Variants in KHDRBS2 observed in about 807,000 individuals in gnomAD.
The protein encoded by KHDRBS2 is KH domain-containing, RNA-binding, signal transduction-associated protein 2.
In KHDRBS2, 26 loss-of-function variants were observed where a neutral mutation model predicts 44.3. The ratio of observed to expected loss-of-function variants is 0.59; its 90% CI spans 0.43 to 0.81. The LOEUF is 0.81. KHDRBS2 is among the 40% of genes least tolerant of loss of function. The pLI, the probability that KHDRBS2 is intolerant of heterozygous loss-of-function variation, is 0.00. For missense variants in KHDRBS2, 476 were observed against 433.1 expected, an observed-to-expected ratio of 1.10 and a Z score of -0.88; for synonymous variants, 194 against 151.1, an observed-to-expected ratio of 1.28 and a Z score of -2.08.
At chr6:61,732,539 T>A in intron 7 of KHDRBS2, 143 bp downstream of exon 7, 5 of 625,990 alleles carry the variant, frequency 8.0e-6, no homozygotes, top group Non-Finnish European at 1.4e-5. Flanking sequence ...CACAGTCTGG[T>A]AAGCAACTTG....
intron 6 of KHDRBS2, among the ~76,000 whole-genome samples, chr6:61,737,672 A>C (rs536500748): frequency 2.2e-4 from 34 of 152,174 alleles, no homozygotes; most frequent in African/African-American, 7.7e-4. Flanking sequence ...GTGTTCTAGC[A>C]GCTAGGGTAG....
chr6:62,108,513 T>C (rs1804106019), intron 2 of KHDRBS2, among the ~76,000 whole-genome samples: 1 of 152,262 alleles, frequency 6.6e-6, no homozygotes, highest in East Asian at 1.9e-4. Flanking sequence ...TGTAAACTAG[T>C]TCAACCATCG....
chr6:61,968,986 A>T (rs949759432), intron 4 of KHDRBS2, among the ~76,000 whole-genome samples: 1 of 152,070 alleles, frequency 6.6e-6, no homozygotes, highest in Non-Finnish European at 1.5e-5. Context: ...TCTTCCAAAC[A>T]TTAATATTTA....
chr6:61,557,523 C>T, the KHDRBS2 span, among the ~76,000 whole-genome samples: 2 of 152,118 alleles, frequency 1.3e-5, no homozygotes, highest in African/African-American at 2.4e-5. Context: ...TTTAGTAAAA[C>T]ACTCCTTGCT....
intron 3 of KHDRBS2, among the ~76,000 whole-genome samples, chr6:62,035,228 TC>T (rs1002677166): frequency 5.3e-5 from 8 of 151,924 alleles, no homozygotes; most frequent in Non-Finnish European, 1.2e-4. Flanking sequence ...AGCCAAGAAT[TC>T]CAAGCAACCT....
chr6:61,967,383 G>A (rs182806473), intron 4 of KHDRBS2, among the ~76,000 whole-genome samples: 1 of 150,582 alleles, frequency 6.6e-6, no homozygotes, highest in Non-Finnish European at 1.5e-5. Flanking sequence ...TTTACAAGCT[G>A]TATGCTGTGA....
At chr6:61,878,291 A>C (rs1182418152) in intron 6 of KHDRBS2, among the ~76,000 whole-genome samples, 1 of 152,028 alleles carries the variant, frequency 6.6e-6, no homozygotes, top group East Asian at 1.9e-4. Flanking sequence ...TTAATTATTA[A>C]GTTTTCTTCT....
intron 2 of KHDRBS2, among the ~76,000 whole-genome samples, chr6:62,114,080 G>C (rs1196712766): frequency 6.6e-6 from 1 of 152,070 alleles, no homozygotes; most frequent in Admixed American, 6.6e-5. Flanking sequence ...GATCTCATGA[G>C]ATCTCACTCA....
At chr6:61,874,531 C>T (rs546181010) in intron 6 of KHDRBS2, among the ~76,000 whole-genome samples, 17 of 152,130 alleles carry the variant, frequency 1.1e-4, no homozygotes, top group Non-Finnish European at 2.4e-4. Flanking sequence ...AGTAACTAGT[C>T]GGTATTTGCT....
the KHDRBS2 span, among the ~76,000 whole-genome samples, chr6:61,631,335 A>AAG: frequency 2.0e-3 from 210 of 104,718 alleles, 36 homozygotes; most frequent in South Asian, 4.1e-3. Context: ...AAAAAAAAAA[A>AAG]AAGACAATAC....
In KHDRBS2 at chr6:62,032,216, T is replaced by G. The variant is rs536738643; in HGVS notation, c.336+15662A>C. Among the ~76,000 whole-genome samples, 66 of 152,178 alleles carry G rather than the reference T, an allele frequency of 4.3e-4. 1 individual carries two copies. The highest frequency in any genetic ancestry group is 1.7e-3 in the South Asian group (8 of 4,824). On this transcript the variant is annotated intron_variant, in intron 3 of 8. Transcript: ENST00000281156. ...CTTCTAGGTGTGACTGTTAGGGTGC[T>G]GCCAAAGGAGATTAACATTTGAGTC...
At chr6:61,967,763 A>G (rs762744481) in intron 4 of KHDRBS2, among the ~76,000 whole-genome samples, 4 of 151,540 alleles carry the variant, frequency 2.6e-5, no homozygotes, top group Non-Finnish European at 5.9e-5. Context: ...GAGGCTCTAC[A>G]TTATTATTTT....
intron 6 of KHDRBS2, among the ~76,000 whole-genome samples, chr6:61,772,573 T>C (rs1781125906): frequency 6.6e-6 from 1 of 152,178 alleles, no homozygotes; most frequent in Non-Finnish European, 1.5e-5. Context: ...AAGAAATGGA[T>C]AAATTCCTTG....
the KHDRBS2 span, among the ~76,000 whole-genome samples, chr6:61,586,572 A>G: frequency 6.6e-6 from 1 of 152,292 alleles, no homozygotes; most frequent in Non-Finnish European, 1.5e-5. Flanking sequence ...ACAAGACTGG[A>G]CATAGGACTC....
the KHDRBS2 span, among the ~76,000 whole-genome samples, chr6:61,597,773 T>TATATATACATACAC: frequency 1.2e-4 from 5 of 42,330 alleles, no homozygotes; most frequent in Non-Finnish European, 2.4e-4. Context: ...TATATATATA[T>TATATATACATACAC]ACACCAAGAT....
intron 1 of KHDRBS2, among the ~76,000 whole-genome samples, chr6:62,275,357 T>G (rs1840760587): frequency 1.3e-5 from 2 of 152,156 alleles, no homozygotes; most frequent in African/African-American, 2.4e-5. Context: ...AGGTCTTGGA[T>G]GGATAAAAAA....
At chr6:62,080,227 T>A (rs974423996) in intron 2 of KHDRBS2, among the ~76,000 whole-genome samples, 14 of 152,258 alleles carry the variant, frequency 9.2e-5, no homozygotes, top group Admixed American at 3.9e-4. Context: ...ATGTTTGTGA[T>A]GTGCCAAAGC....
intron 6 of KHDRBS2, among the ~76,000 whole-genome samples, chr6:61,790,420 AAAC>A (rs1224016406): frequency 1.3e-5 from 2 of 151,166 alleles, no homozygotes; most frequent in African/African-American, 2.4e-5. Context: ...AAAAAAAAAA[AAAC>A]AGCAGAGGCA....
At chr6:61,683,984 C>A in intron 8 of KHDRBS2, among the ~76,000 whole-genome samples, 1 of 151,892 alleles carries the variant, frequency 6.6e-6, no homozygotes, top group East Asian at 1.9e-4. Context: ...TTAATTCAGA[C>A]CTTGCTTCCA....
Sources: allele counts gnomAD v4.1 joint callset (sites outside exome capture counted in the v4.1 genomes callset), GRCh38; gene constraint gnomAD v4.1.1; transcripts MANE v1.5; gene names NCBI Gene and HGNC (gene_info 2026-07-23, HGNC 2026-07-21).